DAB1: variants seen among roughly 807,000 people sequenced by gnomAD.
DAB1 encodes the protein disabled homolog 1.
DAB1 carries 15 observed loss-of-function variants against 64.6 expected under a neutral mutation model. The observed-to-expected ratio is 0.23, with a 90% CI of 0.16 to 0.36. The LOEUF (loss-of-function observed/expected upper bound fraction) is 0.36, where lower values mean the gene tolerates loss of function less well. DAB1 is among the 10% of genes least tolerant of loss of function. The pLI is 1.00. For synonymous variants in DAB1, 235 were observed against 251.9 expected, an observed-to-expected ratio of 0.93 and a Z score of 0.64; for missense variants, 596 against 706.7, an observed-to-expected ratio of 0.84 and a Z score of 1.78.
At chr1:57,710,963 A>G (rs1351214269) in intron 6 of DAB1, among the ~76,000 whole-genome samples, 1 of 152,168 alleles carries the variant, frequency 6.6e-6, no homozygotes, top group East Asian at 1.9e-4. Flanking sequence ...CTCCAGTTGG[A>G]GACACTGGTT....
chr1:58,308,338 A>C (rs2100470485), intron 4 of DAB1, among the ~76,000 whole-genome samples: 1 of 152,162 alleles, frequency 6.6e-6, no homozygotes, highest in Non-Finnish European at 1.5e-5. Context: ...TCAGTGAGTC[A>C]CTTTAAATGC....
chr1:58,263,059 C>T (rs993087454), intron 4 of DAB1, among the ~76,000 whole-genome samples: 2 of 152,146 alleles, frequency 1.3e-5, no homozygotes, highest in African/African-American at 4.8e-5. Flanking sequence ...AATAATGTAA[C>T]CTATTCTTAC....
At chr1:58,539,188 C>G (rs746657014) in intron 1 of DAB1, 1 of 872,874 alleles carries the variant, frequency 1.1e-6, no homozygotes. Context: ...ATGACAGCCC[C>G]GTGAGGTGGA....
At chr1:57,983,412 G>C (rs980651187) in intron 5 of DAB1, among the ~76,000 whole-genome samples, 6 of 152,074 alleles carry the variant, frequency 3.9e-5, no homozygotes, top group African/African-American at 1.2e-4. Context: ...ACATTTTCTG[G>C]GCATTGAGTG....
intron 1 of DAB1, among the ~76,000 whole-genome samples, chr1:57,835,784 T>G (rs983502980): frequency 2.6e-5 from 4 of 152,238 alleles, no homozygotes; most frequent in Admixed American, 6.5e-5. Flanking sequence ...GCAGCAGGGT[T>G]ACTACTTAAG....
At chr1:57,930,555 CAG>C (rs1393781399) in intron 5 of DAB1, among the ~76,000 whole-genome samples, 2 of 152,138 alleles carry the variant, frequency 1.3e-5, no homozygotes, top group East Asian at 3.9e-4. Flanking sequence ...TTTCTTTCAT[CAG>C]AGTTTTATAG....
intron 3 of DAB1, among the ~76,000 whole-genome samples, chr1:58,403,972 G>T (rs536954478): frequency 6.6e-6 from 1 of 152,288 alleles, no homozygotes; most frequent in East Asian, 1.9e-4. Flanking sequence ...GAAAAACTTG[G>T]ATTTATTTGG....
At chr1:57,074,042 C>T (rs986012642) in intron 4 of DAB1, among the ~76,000 whole-genome samples, 3 of 152,054 alleles carry the variant, frequency 2.0e-5, no homozygotes, top group African/African-American at 4.8e-5. Flanking sequence ...AGAGCCGGCT[C>T]ATTTTTTTGT....
chr1:57,156,337 T>A (rs900591046), intron 2 of DAB1, among the ~76,000 whole-genome samples: 1 of 152,162 alleles, frequency 6.6e-6, no homozygotes, highest in Non-Finnish European at 1.5e-5. Flanking sequence ...TCCAGCCTTA[T>A]GGGCTAGGCA....
At chr1:57,164,766 T>C (rs972170196) in intron 2 of DAB1, among the ~76,000 whole-genome samples, 1 of 152,098 alleles carries the variant, frequency 6.6e-6, no homozygotes, top group Non-Finnish European at 1.5e-5. Context: ...TCCAAATTCC[T>C]GGGTCATCTT....
intron 7 of DAB1, among the ~76,000 whole-genome samples, chr1:57,559,566 T>C (rs1487541935): frequency 6.6e-6 from 1 of 152,144 alleles, no homozygotes; most frequent in African/African-American, 2.4e-5. Context: ...ACCCAAAACA[T>C]CATTGTGACC....
At chr1:57,152,342 C>T (rs1190269860) in intron 2 of DAB1, among the ~76,000 whole-genome samples, 1 of 152,204 alleles carries the variant, frequency 6.6e-6, no homozygotes, top group Non-Finnish European at 1.5e-5. Context: ...GTTCCATAAA[C>T]AAACTAATTG....
chr1:57,631,328 C>T (rs1023938636), intron 7 of DAB1, among the ~76,000 whole-genome samples: 1 of 152,194 alleles, frequency 6.6e-6, no homozygotes, highest in African/African-American at 2.4e-5. Flanking sequence ...CACAAAATCA[C>T]CAGAAAAGCT....
In DAB1 at chr1:58,027,260, G is replaced by T. The variant is rs535595191; in HGVS notation, n.387+123251C>A. 9.9e-5 allele frequency among the ~76,000 whole-genome samples: 15 copies of T among 152,222 alleles called. No homozygotes were observed. The South Asian group carries it at 2.3e-3, about 23-fold the overall frequency. On this transcript the variant is annotated intron_variant and non_coding_transcript_variant, in intron 5 of 20. Transcript: ENST00000485760. ...TTTTTTAAATGTATATAGAGACAGG[G>T]TCTCACTTTATTGACCAGGCTGGTC...
chr1:57,595,054 T>G (rs961837443), intron 7 of DAB1, among the ~76,000 whole-genome samples: 1 of 152,250 alleles, frequency 6.6e-6, no homozygotes, highest in South Asian at 2.1e-4. Flanking sequence ...TAGAATTACA[T>G]GTTGAATATA....
chr1:58,090,774 C>T (rs887361251), intron 5 of DAB1, among the ~76,000 whole-genome samples: 1 of 152,184 alleles, frequency 6.6e-6, no homozygotes, highest in African/African-American at 2.4e-5. Flanking sequence ...CAGAGTCACA[C>T]AGGCAGGCAG....
intron 6 of DAB1, among the ~76,000 whole-genome samples, chr1:57,786,847 T>C (rs1047625159): frequency 2.6e-5 from 4 of 152,148 alleles, no homozygotes; most frequent in African/African-American, 9.7e-5. Context: ...CCGTGGAACA[T>C]GACTGGATTC....
At chr1:57,712,068 T>C (rs927587705) in intron 6 of DAB1, among the ~76,000 whole-genome samples, 1 of 152,166 alleles carries the variant, frequency 6.6e-6, no homozygotes, top group Non-Finnish European at 1.5e-5. Flanking sequence ...GCAGATAAAT[T>C]TTTTACGAGA....
At chr1:57,825,165 G>A (rs1392062160), downstream of DAB1, among the ~76,000 whole-genome samples, 1 of 152,170 alleles carries the variant, frequency 6.6e-6, no homozygotes, top group East Asian at 1.9e-4. Flanking sequence ...TTCCCACTCT[G>A]AAACAAAGCT....
Sources: allele counts gnomAD v4.1 joint callset (sites outside exome capture counted in the v4.1 genomes callset), GRCh38; gene constraint gnomAD v4.1.1; transcripts MANE v1.5; gene names NCBI Gene and HGNC (gene_info 2026-07-23, HGNC 2026-07-21).